The following SATB2 variants were observed in gnomAD, a reference collection of about 807,000 sequenced individuals.
The protein encoded by SATB2 is SATB homeobox 2, also known as DNA-binding protein SATB2.
A neutral mutation model predicts 73.4 loss-of-function variants in SATB2; 1 was observed. The observed-to-expected ratio is 0.01, with a 90% CI of 0.00 to 0.06. The LOEUF is 0.06. Among genes scored for constraint, SATB2 ranks in the 10% least tolerant of loss-of-function variants. The pLI is 1.00. For synonymous variants in SATB2, 397 were observed against 367.0 expected (o/e 1.08, Z -0.93); for missense variants, 459 against 945.8 (o/e 0.49, Z 6.75).
intron 10 of SATB2, among the ~76,000 whole-genome samples, chr2:199,288,578 G>A (rs1389996556): frequency 6.6e-6 from 1 of 152,114 alleles, no homozygotes; most frequent in Non-Finnish European, 1.5e-5. Context: ...GACAGTTATG[G>A]TTAGTGAAAA....
chr2:199,345,653 G>C (rs770730108), intron 7 of SATB2, among the ~76,000 whole-genome samples: 6 of 151,956 alleles, frequency 3.9e-5, no homozygotes, highest in South Asian at 2.1e-4. Flanking sequence ...TACACTTTCT[G>C]TCCATTTTAT....
At chr2:199,334,791 G>A (rs1005240292) in intron 7 of SATB2, among the ~76,000 whole-genome samples, 2 of 152,004 alleles carry the variant, frequency 1.3e-5, no homozygotes, top group African/African-American at 2.4e-5. Context: ...TAGCCAAAGC[G>A]GTTAAATCAG....
At chr2:199,404,919 G>A (rs1690586563) in intron 3 of SATB2, among the ~76,000 whole-genome samples, 1 of 152,108 alleles carries the variant, frequency 6.6e-6, no homozygotes, top group Non-Finnish European at 1.5e-5. Flanking sequence ...TATCATGAAA[G>A]CTGGAACTGT....
At chr2:199,357,786 G>A (rs553041496) in intron 6 of SATB2, among the ~76,000 whole-genome samples, 1 of 152,122 alleles carries the variant, frequency 6.6e-6, no homozygotes, top group South Asian at 2.1e-4. Flanking sequence ...CAAAATGAGT[G>A]TCATCAGCAT....
intron 3 of SATB2, among the ~76,000 whole-genome samples, chr2:199,430,047 C>T (rs924499835): frequency 6.6e-6 from 1 of 152,334 alleles, no homozygotes; most frequent in Non-Finnish European, 1.5e-5. Flanking sequence ...CTTGCCATCA[C>T]GGCTGCCTCC....
chr2:199,377,280 G>A (rs1444063134), intron 5 of SATB2, among the ~76,000 whole-genome samples: 1 of 152,170 alleles, frequency 6.6e-6, no homozygotes, highest in Non-Finnish European at 1.5e-5. Flanking sequence ...TCAGAAGGCT[G>A]ACGCGGGAGA....
At chr2:199,278,124 T>A (rs1813849) in intron 10 of SATB2, among the ~76,000 whole-genome samples, 2 of 151,956 alleles carry the variant, frequency 1.3e-5, no homozygotes, top group Non-Finnish European at 2.9e-5. Context: ...TTATTTGAGA[T>A]AAGGTGACTC....
At chr2:199,289,713 G>A (rs1398261917) in intron 10 of SATB2, among the ~76,000 whole-genome samples, 1 of 152,112 alleles carries the variant, frequency 6.6e-6, no homozygotes, top group African/African-American at 2.4e-5. Context: ...AATCGTTAAC[G>A]CTCTTGATTG....
At chr2:199,427,770 CAG>C (rs1467334354) in intron 3 of SATB2, among the ~76,000 whole-genome samples, 2 of 152,028 alleles carry the variant, frequency 1.3e-5, no homozygotes, top group Non-Finnish European at 2.9e-5. Flanking sequence ...AATTTAAGAG[CAG>C]AGCATTTCAA....
chr2:199,404,765 A>G (rs147717549), intron 3 of SATB2, among the ~76,000 whole-genome samples: 8 of 152,352 alleles, frequency 5.3e-5, no homozygotes, highest in Non-Finnish European at 1.0e-4. Flanking sequence ...TTTTGCCTCC[A>G]AAGTATTATA....
chr2:199,389,568 T>C (rs1559023984), intron 3 of SATB2, among the ~76,000 whole-genome samples: 1 of 152,164 alleles, frequency 6.6e-6, no homozygotes, highest in Non-Finnish European at 1.5e-5. Flanking sequence ...TATACTGTCA[T>C]ATGAATTTAT....
At chr2:199,373,298 C>G (rs1478695785) in intron 5 of SATB2, among the ~76,000 whole-genome samples, 1 of 151,766 alleles carries the variant, frequency 6.6e-6, no homozygotes, top group Non-Finnish European at 1.5e-5. Context: ...TGCTAAATAA[C>G]ATATTAAACA....
At chr2:199,391,023 T>C (rs1241658758) in intron 3 of SATB2, among the ~76,000 whole-genome samples, 1 of 152,230 alleles carries the variant, frequency 6.6e-6, no homozygotes, top group African/African-American at 2.4e-5. Flanking sequence ...TTTATTCATG[T>C]TCCAACTAAC....
intron 10 of SATB2, among the ~76,000 whole-genome samples, chr2:199,303,818 T>C (rs139680574): frequency 1.5e-3 from 229 of 152,288 alleles, no homozygotes; most frequent in African/African-American, 5.3e-3. Flanking sequence ...GGTGTCTGAC[T>C]GTCACTAACC....
intron 3 of SATB2, among the ~76,000 whole-genome samples, chr2:199,402,158 G>A (rs1038157534): frequency 6.6e-6 from 1 of 152,076 alleles, no homozygotes; most frequent in Admixed American, 6.5e-5. Flanking sequence ...AGGCCGAGGC[G>A]GGTGGATCAT....
intron 10 of SATB2, among the ~76,000 whole-genome samples, chr2:199,296,364 A>T (rs1693031903): frequency 6.6e-6 from 1 of 152,186 alleles, no homozygotes; most frequent in Admixed American, 6.5e-5. Flanking sequence ...GGGTCTCTGC[A>T]ATCACCTAAT....
intron 9 of SATB2, among the ~76,000 whole-genome samples, chr2:199,311,603 G>A (rs4675476): frequency 0.92 from 140,447 of 152,134 alleles, 65,858 homozygotes; most frequent in East Asian, 1. Context: ...TCCCTCCTAC[G>A]GGCGCTCCTG....
chr2:199,304,290 T>A (rs1687369612), intron 10 of SATB2, among the ~76,000 whole-genome samples: 1 of 152,168 alleles, frequency 6.6e-6, no homozygotes, highest in Non-Finnish European at 1.5e-5. Context: ...GGGAGAAAAA[T>A]CACTACAACC....
chr2:199,350,775 C>T (rs1688791447), intron 6 of SATB2, among the ~76,000 whole-genome samples: 1 of 151,968 alleles, frequency 6.6e-6, no homozygotes, highest in Non-Finnish European at 1.5e-5. Flanking sequence ...GTAATCCCAG[C>T]ACTTTGGGAG....
Sources: gnomAD v4.1 joint callset for allele counts (sites outside exome capture counted in the v4.1 genomes callset) on GRCh38, gnomAD v4.1.1 for gene constraint, MANE v1.5 for transcripts, NCBI Gene and HGNC (gene_info 2026-07-23, HGNC 2026-07-21) for gene names.